The following NLRC5 variants were observed in gnomAD, a reference collection of about 807,000 sequenced individuals.
NLRC5 encodes protein NLRC5.
NLRC5 carries 114 observed loss-of-function variants against 206.9 expected under a neutral mutation model. The observed-to-expected ratio is 0.55, with a 90% confidence interval of 0.47 to 0.64. NLRC5 has a LOEUF of 0.64. Among genes scored for constraint, NLRC5 ranks in the 30% least tolerant of loss-of-function variants. The probability of loss-of-function intolerance (pLI) is 0.00; values close to 1 mark genes in which losing one functional copy is unlikely to be tolerated. For synonymous variants in NLRC5, 952 were observed against 962.8 expected, an observed-to-expected ratio of 0.99 and a Z score of 0.21; for missense variants, 2,008 against 2,305.5, an observed-to-expected ratio of 0.87 and a Z score of 2.64.
intron 47 of NLRC5, 140 bp downstream of exon 47, chr16:57,081,321 G>T (rs199476021): frequency 2.1e-6 from 2 of 945,898 alleles, no homozygotes; most frequent in Non-Finnish European, 3.2e-6. Context: ...CCAAGCCCCT[G>T]CCAGGCTTAG....
At chr16:57,017,442 G>A (rs1424122357) in intron 2 of NLRC5, among the ~76,000 whole-genome samples, 3 of 152,186 alleles carry the variant, frequency 2.0e-5, no homozygotes, top group African/African-American at 7.2e-5. Context: ...TAGGAAAAAG[G>A]CTTGCTCAAG....
chr16:57,041,400 C>A, intron 17 of NLRC5, 85 bp from the exon 18 acceptor site: 2 of 1,124,030 alleles, frequency 1.8e-6, no homozygotes, highest in Non-Finnish European at 2.6e-6. Context: ...TCATTCTCTG[C>A]CTCTGTGTCT....
intron 35 of NLRC5, 108 bp from the exon 36 acceptor site, chr16:57,067,628 G>A (rs1197806043): frequency 5.2e-6 from 7 of 1,350,560 alleles, no homozygotes; most frequent in Non-Finnish European, 7.4e-6. Flanking sequence ...TGGCTCAGGG[G>A]AGCTCTTGGG....
Position 57,013,515 on chromosome 16 carries a change from CT to C in NLRC5, c.-127-3556del, listed in dbSNP as rs565585556. On this transcript the variant is annotated intron_variant, in intron 1 of 48. Transcript: ENST00000688547. ...GCACAGATTCCATTGGCTGCTTGTGCTTTCATCATTACAGTACAATTAACTT... is the reference window on the plus strand; with the variant it reads ...GCACAGATTCCATTGGCTGCTTGTGCTTCATCATTACAGTACAATTAACTT... The C allele has an allele frequency of 1.4e-3, 1,107 of 799,030 alleles. 8 individuals carry two copies. The African/African-American group carries it at 0.017, about 12-fold the overall frequency. 49.5% of individuals were successfully genotyped at this position (799,030 alleles called of 1,614,324 possible).
intron 1 of NLRC5, among the ~76,000 whole-genome samples, chr16:56,998,883 C>A (rs1003120591): frequency 4.4e-4 from 67 of 152,378 alleles, no homozygotes; most frequent in African/African-American, 1.6e-3. Flanking sequence ...TTAAAGACCG[C>A]TGCTGGAATT....
At chr16:57,078,463 C>CT (rs1567650358) in intron 43 of NLRC5, among the ~76,000 whole-genome samples, 6 of 123,882 alleles carry the variant, frequency 4.8e-5, no homozygotes, top group South Asian at 3.1e-4. Flanking sequence ...GTGCTGGGAC[C>CT]TTGTTTTTTT....
intron 36 of NLRC5, among the ~76,000 whole-genome samples, chr16:57,069,092 A>G (rs1178075557): frequency 1.3e-5 from 2 of 152,228 alleles, no homozygotes. Context: ...AGGTCTCTCC[A>G]CTTGCAAATT....
At chr16:57,042,127 A>T (rs2063357083) in intron 19 of NLRC5, 62 bp downstream of exon 19, 6 of 1,079,962 alleles carry the variant, frequency 5.6e-6, no homozygotes, top group African/African-American at 1.6e-5. Context: ...TCTCTGTCCC[A>T]TCCCCCTCTT....
chr16:57,060,527 CACACACACCACACAAT>C (rs1201362695), intron 30 of NLRC5, among the ~76,000 whole-genome samples: 1 of 151,334 alleles, frequency 6.6e-6, no homozygotes, highest in Non-Finnish European at 1.5e-5. Context: ...ACACATACAC[CACACACACCACACAAT>C]ACACACACCC....
Position 57,025,884 on chromosome 16 carries a change from A to T in NLRC5, c.941A>T (p.Gln314Leu). Residue 314 changes from glutamine to leucine, a missense_variant, in exon 6 of 49, where the codon CAG becomes CTG. Gln to Leu is a moderately radical substitution (Grantham distance 113). Transcript: ENST00000688547. ...TTTGATGGGCTAGATGAGGCCCTCC[A>T]GCCTATGGGTCCTGATGGCCCAGGC... ...LIFDGLDEAL[Q>L]PMGPDGPGPV... The T allele has an allele frequency of 6.2e-7, 1 of 1,614,230 alleles. No individual in the cohort carries two copies. Among genetic ancestry groups the T allele is most frequent in the Non-Finnish European group, 8.5e-7 (1 of 1,180,042 alleles).
chr16:57,024,881 G>A (rs2142996051), intron 5 of NLRC5, among the ~76,000 whole-genome samples: 1 of 152,150 alleles, frequency 6.6e-6, no homozygotes, highest in South Asian at 2.1e-4. Context: ...GTGGTGGTGT[G>A]CACCTGTAGT....
chr16:57,036,549 G>A (rs1470107676), intron 14 of NLRC5, among the ~76,000 whole-genome samples: 1 of 152,098 alleles, frequency 6.6e-6, no homozygotes, highest in Non-Finnish European at 1.5e-5. Flanking sequence ...AGGGTAGGGA[G>A]TGGTGTGTTC....
rs113053245 is a variant in NLRC5 at position 57,008,486 on chromosome 16, T to C, written c.-127-8588T>C. Among the ~76,000 whole-genome samples the C allele has an allele frequency of 4.9e-3, 748 of 151,746 alleles. 7 individuals are homozygous for C. The highest frequency in any genetic ancestry group is 0.017 in the African/African-American group (715 of 41,396). On this transcript the variant is annotated intron_variant, in intron 1 of 48. Coordinates refer to ENST00000688547, the MANE Select transcript of NLRC5 (RefSeq NM_001384950.1). ...TCCATTTTTATTCTAAAAGAACACTTTTTAAATGTTCATGAAATGTTTTAA... is the reference window on the plus strand; with the variant it reads ...TCCATTTTTATTCTAAAAGAACACTCTTTAAATGTTCATGAAATGTTTTAA...
intron 1 of NLRC5, chr16:56,992,078 G>C (rs765077645): frequency 6.6e-6 from 1 of 152,254 alleles, no homozygotes; most frequent in East Asian, 1.9e-4. Flanking sequence ...GTGCGGCGAT[G>C]CATCTAGGAG....
At chr16:57,059,225 CATA>C (rs2066085363) in intron 29 of NLRC5, 164 bp downstream of exon 29, 1 of 1,499,350 alleles carries the variant, frequency 6.7e-7, no homozygotes, top group African/African-American at 1.4e-5. Flanking sequence ...GGCATGGGAT[CATA>C]ATTTCTATCC....
At chr16:56,993,850 TA>T (rs1279727949) in intron 1 of NLRC5, among the ~76,000 whole-genome samples, 2 of 152,154 alleles carry the variant, frequency 1.3e-5, no homozygotes, top group African/African-American at 4.8e-5. Flanking sequence ...TACTGTCATT[TA>T]AAATGGTGGC....
At chr16:57,003,564 C>T (rs1445007193) in intron 1 of NLRC5, among the ~76,000 whole-genome samples, 3 of 152,166 alleles carry the variant, frequency 2.0e-5, no homozygotes, top group Non-Finnish European at 4.4e-5. Flanking sequence ...CATTGCCTTG[C>T]TCAGAGATGC....
chr16:57,035,807 G>A (rs2062487673), intron 13 of NLRC5, among the ~76,000 whole-genome samples: 1 of 152,184 alleles, frequency 6.6e-6, no homozygotes, highest in Non-Finnish European at 1.5e-5. Context: ...TCGAGCAAGT[G>A]CCTTAACTTT....
At chr16:57,074,882 G>A (rs188304) in intron 39 of NLRC5, among the ~76,000 whole-genome samples, 199 bp downstream of exon 39, 1 of 152,082 alleles carries the variant, frequency 6.6e-6, no homozygotes, top group Non-Finnish European at 1.5e-5. Flanking sequence ...GGTTACAAAA[G>A]TGGCCTAAAG....
Sources: allele counts gnomAD v4.1 joint callset (sites outside exome capture counted in the v4.1 genomes callset), GRCh38; gene constraint gnomAD v4.1.1; transcripts MANE v1.5; gene names NCBI Gene and HGNC (gene_info 2026-07-23, HGNC 2026-07-21).